Variants in CTNNA3 observed in about 807,000 individuals in gnomAD.
CTNNA3 encodes the protein catenin alpha 3.
Under a neutral mutation model 95.7 loss-of-function variants are expected in CTNNA3, and 76 were observed. The observed-to-expected ratio is 0.79, with a 90% CI of 0.66 to 0.96. The LOEUF (loss-of-function observed/expected upper bound fraction) is 0.96, where lower values mean the gene tolerates loss of function less well. CTNNA3 is among the 40% of genes least tolerant of loss of function. The pLI, the probability that CTNNA3 is intolerant of heterozygous loss-of-function variation, is 0.00. For synonymous variants in CTNNA3, 431 were observed against 374.4 expected, an observed-to-expected ratio of 1.15 and a Z score of -1.74; for missense variants, 1,191 against 1,089.8, an observed-to-expected ratio of 1.09 and a Z score of -1.31.
chr10:67,301,043 C>A (rs1226192828), intron 5 of CTNNA3, among the ~76,000 whole-genome samples: 1 of 152,088 alleles, frequency 6.6e-6, no homozygotes, highest in Non-Finnish European at 1.5e-5. Flanking sequence ...TACTTTTATA[C>A]ACTGAGTAGC....
At chr10:67,544,774 A>G (rs1840788207) in intron 3 of CTNNA3, among the ~76,000 whole-genome samples, 1 of 152,216 alleles carries the variant, frequency 6.6e-6, no homozygotes, top group South Asian at 2.1e-4. Flanking sequence ...TACAAAGAAG[A>G]GTCTTGCCTC....
At chr10:66,977,978 G>T (rs946569601) in intron 7 of CTNNA3, among the ~76,000 whole-genome samples, 6 of 151,946 alleles carry the variant, frequency 3.9e-5, no homozygotes, top group African/African-American at 1.5e-4. Context: ...TTATTCCTAA[G>T]TGTGGAATAA....
intron 9 of CTNNA3, among the ~76,000 whole-genome samples, chr10:66,691,686 G>A (rs1847546842): frequency 6.6e-6 from 1 of 152,196 alleles, no homozygotes; most frequent in Admixed American, 6.5e-5. Context: ...CCTGACCCCT[G>A]AGAAGCCTAA....
chr10:66,583,787 T>G (rs1408771950), intron 10 of CTNNA3, among the ~76,000 whole-genome samples: 1 of 151,870 alleles, frequency 6.6e-6, no homozygotes, highest in Non-Finnish European at 1.5e-5. Context: ...CAATTTGTGA[T>G]CTTTCAGAAT....
chr10:66,822,686 C>G (rs1842344198), intron 7 of CTNNA3, among the ~76,000 whole-genome samples: 1 of 152,092 alleles, frequency 6.6e-6, no homozygotes, highest in Non-Finnish European at 1.5e-5. Flanking sequence ...GGCACAGATC[C>G]TATTAAAGAA....
chr10:67,366,209 G>T (rs942693267), intron 5 of CTNNA3, among the ~76,000 whole-genome samples: 30 of 152,240 alleles, frequency 2.0e-4, no homozygotes, highest in African/African-American at 6.7e-4. Flanking sequence ...GGCCTGTCGG[G>T]GGTTGGGGGG....
intron 11 of CTNNA3, among the ~76,000 whole-genome samples, chr10:66,437,848 T>C (rs1428267134): frequency 6.6e-6 from 1 of 152,144 alleles, no homozygotes; most frequent in African/African-American, 2.4e-5. Context: ...CTACCTTTGG[T>C]CTTTGACGTT....
intron 12 of CTNNA3, among the ~76,000 whole-genome samples, chr10:66,302,806 A>G (rs2091881616): frequency 6.6e-6 from 1 of 152,176 alleles, no homozygotes; most frequent in Admixed American, 6.5e-5. Context: ...GTAAAAACAT[A>G]CAAAAGTCCT....
intron 9 of CTNNA3, among the ~76,000 whole-genome samples, chr10:66,692,045 A>T (rs1847565914): frequency 1.3e-5 from 2 of 152,182 alleles, no homozygotes; most frequent in African/African-American, 4.8e-5. Context: ...AAACTCTAAA[A>T]AGCAGAGCGC....
intron 14 of CTNNA3, 151 bp from the exon 15 acceptor site, chr10:66,069,640 T>G (rs181880237): frequency 2.4e-4 from 134 of 553,338 alleles, no homozygotes; most frequent in African/African-American, 2.2e-3. Context: ...CTTTCCAGGC[T>G]TAATATTTCA....
chr10:66,875,278 A>G (rs1244737742), intron 7 of CTNNA3, among the ~76,000 whole-genome samples: 1 of 152,078 alleles, frequency 6.6e-6, no homozygotes, highest in Non-Finnish European at 1.5e-5. Context: ...GTGGTTACAT[A>G]ACTGTCCCAA....
intron 17 of CTNNA3, among the ~76,000 whole-genome samples, chr10:65,954,673 A>G (rs140237611): frequency 7.9e-5 from 12 of 152,052 alleles, no homozygotes; most frequent in Admixed American, 7.9e-4. Flanking sequence ...TTTTTGTCAG[A>G]ATTGTCAAAG....
chr10:67,718,731 C>G (rs944087301), intron 1 of CTNNA3, among the ~76,000 whole-genome samples: 1 of 152,074 alleles, frequency 6.6e-6, no homozygotes, highest in African/African-American at 2.4e-5. Flanking sequence ...GTTTTCGCAT[C>G]GATGTTCATC....
chr10:66,859,302 C>T (rs1843808430), intron 7 of CTNNA3, among the ~76,000 whole-genome samples: 1 of 151,854 alleles, frequency 6.6e-6, no homozygotes, highest in Non-Finnish European at 1.5e-5. Flanking sequence ...CTACAATGAA[C>T]TCAAACAAAT....
intron 9 of CTNNA3, among the ~76,000 whole-genome samples, chr10:66,690,451 A>G (rs1334643987): frequency 2.0e-5 from 3 of 151,502 alleles, no homozygotes; most frequent in Non-Finnish European, 2.9e-5. Context: ...CATTAGGTAT[A>G]TCTCCTAATG....
At chr10:65,977,422 GACTTTT>G (rs2133289933) in intron 16 of CTNNA3, among the ~76,000 whole-genome samples, 1 of 152,198 alleles carries the variant, frequency 6.6e-6, no homozygotes, top group Non-Finnish European at 1.5e-5. Flanking sequence ...CACTTTTCAA[GACTTTT>G]ATTCCATAAT....
At chr10:67,724,088 C>T (rs1199177504) in intron 1 of CTNNA3, among the ~76,000 whole-genome samples, 1 of 152,208 alleles carries the variant, frequency 6.6e-6, no homozygotes, top group Non-Finnish European at 1.5e-5. Flanking sequence ...CCTGATAATG[C>T]AAGCTTATCC....
At chr10:66,464,619 T>C (rs553980317) in intron 11 of CTNNA3, among the ~76,000 whole-genome samples, 53 of 151,814 alleles carry the variant, frequency 3.5e-4, no homozygotes, top group Non-Finnish European at 6.6e-4. Context: ...AAAAATTAGC[T>C]GGGTGTGGTG....
intron 11 of CTNNA3, among the ~76,000 whole-genome samples, chr10:66,511,293 T>G (rs1341858871): frequency 6.6e-6 from 1 of 151,796 alleles, no homozygotes; most frequent in Non-Finnish European, 1.5e-5. Context: ...TATAATAGTT[T>G]GTTGATTTGG....
Sources: allele counts gnomAD v4.1 joint callset (sites outside exome capture counted in the v4.1 genomes callset), GRCh38; gene constraint gnomAD v4.1.1; transcripts MANE v1.5; gene names NCBI Gene and HGNC (gene_info 2026-07-23, HGNC 2026-07-21).